Variants in SGK3 observed in about 807,000 individuals in gnomAD.
The protein encoded by SGK3 is serine/threonine-protein kinase Sgk3.
In SGK3, 47 loss-of-function variants were observed where a neutral mutation model predicts 68.5. The observed-to-expected ratio is 0.69, with a 90% CI of 0.54 to 0.87. The LOEUF (loss-of-function observed/expected upper bound fraction) is 0.87. Ranked by LOEUF, SGK3 falls within the 40% of genes least tolerant of loss-of-function variation. SGK3 has a pLI of 0.00. For synonymous variants in SGK3, 181 were observed against 189.1 expected (o/e 0.96, Z 0.35); for missense variants, 479 against 575.5 (o/e 0.83, Z 1.72).
intron 4 of SGK3, among the ~76,000 whole-genome samples, chr8:66,808,922 T>A (rs1160205409): frequency 6.6e-6 from 1 of 152,072 alleles, no homozygotes; most frequent in East Asian, 1.9e-4. Context: ...CAGGCTGGAG[T>A]GCAGTGGCGT....
intron 1 of SGK3, among the ~76,000 whole-genome samples, chr8:66,759,410 G>A (rs777382618): frequency 6.6e-6 from 1 of 150,680 alleles, no homozygotes; most frequent in Admixed American, 6.6e-5. Context: ...TCTCTTCCAC[G>A]TGTCTCTGTG....
At chr8:66,849,992 A>G (rs1810203287) in intron 15 of SGK3, among the ~76,000 whole-genome samples, 1 of 152,140 alleles carries the variant, frequency 6.6e-6, no homozygotes, top group African/African-American at 2.4e-5. Context: ...GCTTCTTATG[A>G]CCCTAGAGCA....
At chr8:66,752,073 A>G (rs112405845) in intron 1 of SGK3, among the ~76,000 whole-genome samples, 8 of 152,084 alleles carry the variant, frequency 5.3e-5, no homozygotes, top group African/African-American at 1.9e-4. Context: ...CCTAAAAATC[A>G]TTTATTGAAA....
At chr8:66,839,980 C>T (rs184129343) in intron 10 of SGK3, 23 bp from the exon 11 acceptor site, 4 of 1,604,358 alleles carry the variant, frequency 2.5e-6, no homozygotes, top group East Asian at 2.2e-5. Flanking sequence ...TCTCTCCCCC[C>T]ACCCCCACAA....
chr8:66,796,276 A>AG, intron 2 of SGK3, among the ~76,000 whole-genome samples: 1 of 146,050 alleles, frequency 6.8e-6, no homozygotes, highest in Admixed American at 6.9e-5. Context: ...AGCTGGGACT[A>AG]CAGATGCATG....
At chr8:66,797,231 A>G (rs1397334297) in intron 2 of SGK3, among the ~76,000 whole-genome samples, 1 of 152,202 alleles carries the variant, frequency 6.6e-6, no homozygotes, top group East Asian at 1.9e-4. Context: ...TAATTCAAGA[A>G]ACTCACAATC....
chr8:66,831,223 G>A, intron 7 of SGK3, 31 bp from the exon 8 acceptor site: 1 of 1,607,462 alleles, frequency 6.2e-7, no homozygotes, highest in East Asian at 2.2e-5. Flanking sequence ...CAATTTCTAG[G>A]AGGCTAATTC....
rs1460363309 is a variant in SGK3, at chr8:66,860,847, G to T, written c.*1266G>T. ...TGGGAATTAAAAAGTAAAATAATAGGCCAGGCATGGTGGCTCATGCCTATA... is the reference window on the plus strand; with the variant it reads ...TGGGAATTAAAAAGTAAAATAATAGTCCAGGCATGGTGGCTCATGCCTATA... On this transcript the variant is annotated 3_prime_UTR_variant, in exon 17 of 17. Coordinates refer to ENST00000521198, the MANE Select transcript of SGK3 (RefSeq NM_001033578.3). The T allele has an allele frequency of 2.0e-5, 3 of 152,112 alleles. No homozygotes were observed. The highest frequency in any genetic ancestry group is 2.0e-4 in the Admixed American group (3 of 15,262). 9.4% of individuals were successfully genotyped at this position (152,112 alleles called of 1,614,324 possible).
At chr8:66,739,853 G>T (rs1054175911) in intron 1 of SGK3, among the ~76,000 whole-genome samples, 5 of 152,146 alleles carry the variant, frequency 3.3e-5, no homozygotes, top group Non-Finnish European at 7.4e-5. Flanking sequence ...GAGTGAAGGG[G>T]GAAGCCCCTT....
intron 1 of SGK3, among the ~76,000 whole-genome samples, chr8:66,719,352 G>A (rs372923707): frequency 4.0e-5 from 6 of 151,652 alleles, no homozygotes; most frequent in African/African-American, 1.5e-4. Flanking sequence ...CTTGTGACAG[G>A]GTTTTAGTCT....
intron 3 of SGK3, among the ~76,000 whole-genome samples, chr8:66,803,880 G>A (rs1808052231): frequency 6.6e-6 from 1 of 152,056 alleles, no homozygotes. Context: ...TCAATAAGGG[G>A]AAGGTTAGAG....
chr8:66,802,890 T>G (rs1808005963), intron 3 of SGK3, among the ~76,000 whole-genome samples: 1 of 152,190 alleles, frequency 6.6e-6, no homozygotes, highest in African/African-American at 2.4e-5. Flanking sequence ...GGTTCATCTC[T>G]ATCCCTAGCC....
intron 6 of SGK3, among the ~76,000 whole-genome samples, chr8:66,825,701 A>C (rs1809026689): frequency 6.6e-6 from 1 of 152,194 alleles, no homozygotes; most frequent in Non-Finnish European, 1.5e-5. Flanking sequence ...ACAGAGAAAA[A>C]TAGAGGCCAA....
chr8:66,776,129 G>A (rs1806702853), intron 1 of SGK3, among the ~76,000 whole-genome samples: 1 of 152,142 alleles, frequency 6.6e-6, no homozygotes, highest in African/African-American at 2.4e-5. Context: ...AGAAATGCTT[G>A]GGGATTCCTT....
intron 1 of SGK3, among the ~76,000 whole-genome samples, chr8:66,748,797 C>T (rs889310759): frequency 6.6e-6 from 1 of 152,160 alleles, no homozygotes; most frequent in Non-Finnish European, 1.5e-5. Flanking sequence ...ATGGTGGACT[C>T]ATCAATTTGA....
intron 5 of SGK3, among the ~76,000 whole-genome samples, chr8:66,818,997 T>C (rs1464408596): frequency 6.6e-6 from 1 of 152,254 alleles, no homozygotes; most frequent in African/African-American, 2.4e-5. Flanking sequence ...CAAAGTGATT[T>C]ACCAGTTGTA....
chr8:66,773,369 G>A (rs946618470), intron 1 of SGK3, among the ~76,000 whole-genome samples: 3 of 152,146 alleles, frequency 2.0e-5, no homozygotes, highest in African/African-American at 7.2e-5. Flanking sequence ...AGAGTCAAAG[G>A]TTTTGAGTTA....
At chr8:66,822,534 A>T in intron 6 of SGK3, 75 bp downstream of exon 6, 1 of 1,403,580 alleles carries the variant, frequency 7.1e-7, no homozygotes, top group South Asian at 1.3e-5. Flanking sequence ...TAGGACACTT[A>T]CTTCAAATGA....
At chr8:66,741,988 G>A (rs932606956) in intron 1 of SGK3, among the ~76,000 whole-genome samples, 2 of 152,222 alleles carry the variant, frequency 1.3e-5, no homozygotes, top group African/African-American at 4.8e-5. Flanking sequence ...TTGGGATCAG[G>A]TTTCTCAAAC....
Sources: gnomAD v4.1 joint callset for allele counts (sites outside exome capture counted in the v4.1 genomes callset) on GRCh38, gnomAD v4.1.1 for gene constraint, MANE v1.5 for transcripts, NCBI Gene and HGNC (gene_info 2026-07-23, HGNC 2026-07-21) for gene names.